Variants in PLCD1 observed in about 807,000 individuals in gnomAD.
PLCD1 encodes the protein phospholipase C delta 1.
PLCD1 carries 71 observed loss-of-function variants against 87.4 expected under a neutral mutation model. The observed-to-expected ratio is 0.81, with a 90% confidence interval of 0.67 to 0.99. PLCD1 has a LOEUF of 0.99. Ranked by LOEUF, PLCD1 falls within the 50% of genes least tolerant of loss-of-function variation. The pLI, the probability that PLCD1 is intolerant of heterozygous loss-of-function variation, is 0.00. For missense variants in PLCD1, 867 were observed against 1,001.5 expected (o/e 0.87, Z 1.81); for synonymous variants, 348 against 399.2 (o/e 0.87, Z 1.53).
rs940095900 is a variant in PLCD1 at position 38,018,640 on chromosome 3, C to T, written c.199+1548G>A. ...CACACTGGGAGTCATCCATACGTATCGGTAGGTAGGTGGGCTCCAGGGAAT... is the reference window on the plus strand; with the variant it reads ...CACACTGGGAGTCATCCATACGTATTGGTAGGTAGGTGGGCTCCAGGGAAT... On this transcript the variant is annotated intron_variant, in intron 2 of 14. Transcript: ENST00000334661. This position sits in a 1 kb window ranked among gnomAD's most constrained non-coding sequence, Gnocchi z 5.7. Among the ~76,000 whole-genome samples the T allele has an allele frequency of 6.6e-6, 1 of 152,170 alleles. No homozygotes were observed.
At chr3:38,024,752 G>T (rs922600734) in intron 1 of PLCD1, 1 of 1,353,734 alleles carries the variant, frequency 7.4e-7, no homozygotes, top group Non-Finnish European at 9.7e-7. Flanking sequence ...TAAATGAGTG[G>T]GGGGAGTCAG....
chr3:38,026,121 GTTC>G (rs2125552401), intron 1 of PLCD1, among the ~76,000 whole-genome samples: 1 of 152,296 alleles, frequency 6.6e-6, no homozygotes, highest in South Asian at 2.1e-4. Context: ...CTGCGCAGGG[GTTC>G]TTAACCAGAC....
rs781388779 is a variant in PLCD1, at chr3:38,011,340, C to T, written c.664G>A (p.Ala222Thr). The T allele has an allele frequency of 9.9e-6, 16 of 1,612,536 alleles. No homozygotes were observed. Among genetic ancestry groups the T allele is most frequent in the African/African-American group, 5.3e-5 (4 of 75,022 alleles). Residue 222 changes from alanine to threonine, a missense_variant, in exon 5 of 15, where the codon GCG becomes ACG. Coordinates refer to ENST00000334661, the MANE Select transcript of PLCD1 (RefSeq NM_006225.4). ...ACCGACAGAGTCTCCCCTGAGCCCGCGGCCTCGGCGAAGGTGCGGTCGATC... is the reference window on the plus strand; with the variant it reads ...ACCGACAGAGTCTCCCCTGAGCCCGTGGCCTCGGCGAAGGTGCGGTCGATC... The part of the protein sequence containing the change: ...VEIDRTFAEA[A>T]GSGETLSVDQ...
chr3:38,010,128 C>T lies in PLCD1; in HGVS notation c.1137+3G>A. 1 of 1,614,258 alleles carries T rather than the reference C, an allele frequency of 6.2e-7. No homozygotes were observed. The highest frequency in any genetic ancestry group is 1.1e-5 in the South Asian group (1 of 91,088). ...ACTCCTCACCTGCCAGGGGCACTCC[C>T]ACCTTGAAGGCATAGTCCCGGATGG... On this transcript the variant is annotated splice_donor_region_variant and intron_variant, in intron 7 of 14. Transcript: ENST00000334661.
chr3:38,007,700 A>T lies in PLCD1; in HGVS notation c.*73T>A. 2 of 1,168,898 alleles carry T rather than the reference A, an allele frequency of 1.7e-6. No homozygotes were observed. The highest frequency in any genetic ancestry group is 2.6e-6 in the Non-Finnish European group (2 of 779,576). The allele number at this position is 1,168,898 out of a possible 1,614,324, so 72.4% of individuals were successfully genotyped here. A position where few individuals can be genotyped will look rare whatever the true frequency, so the allele number is the denominator to read the frequency against. Reference sequence around the variant, plus strand: ...TCTGAGCAAGAGGCTGGGAGCAGCCACACCAGCCCTGTCCCCACATGTGGA... The same window carrying T: ...TCTGAGCAAGAGGCTGGGAGCAGCCTCACCAGCCCTGTCCCCACATGTGGA... On this transcript the variant is annotated 3_prime_UTR_variant, in exon 15 of 15. Coordinates refer to ENST00000334661, the MANE Select transcript of PLCD1 (RefSeq NM_006225.4).
intron 1 of PLCD1, chr3:38,024,391 G>A (rs1394573377): frequency 1.9e-6 from 3 of 1,612,598 alleles, no homozygotes; most frequent in Non-Finnish European, 2.5e-6. Flanking sequence ...TGCAGGTAGA[G>A]CTCCCTGGAG....
chr3:38,022,671 A>G (rs1479021144), intron 1 of PLCD1, among the ~76,000 whole-genome samples: 2 of 152,162 alleles, frequency 1.3e-5, no homozygotes, highest in Non-Finnish European at 2.9e-5. Flanking sequence ...AAAGGTGGAC[A>G]TCAGTTCCAG....
Position 38,017,117 on chromosome 3 carries a change from G to A in PLCD1, c.200-398C>T, listed in dbSNP as rs952620095. ...AGCAGGGCAAGGCTCTTAGAGATGC[G>A]GACAGACCACTCTGGAGTGTGGGGC... On this transcript the variant is annotated intron_variant, in intron 2 of 14. Coordinates refer to ENST00000334661, the MANE Select transcript of PLCD1 (RefSeq NM_006225.4). This position sits in a 1 kb window ranked among gnomAD's most constrained non-coding sequence, Gnocchi z 4.7. 1.3e-5 allele frequency among the ~76,000 whole-genome samples: 2 copies of A among 152,068 alleles called. No individual in the cohort carries two copies. The highest frequency in any genetic ancestry group is 1.9e-4 in the East Asian group (1 of 5,184).
intron 5 of PLCD1, 41 bp downstream of exon 5, chr3:38,011,173 G>T: frequency 1.3e-6 from 2 of 1,496,058 alleles, no homozygotes; most frequent in Non-Finnish European, 9.2e-7. Context: ...GCCCAGTGCG[G>T]CCCTGCGACT....
chr3:38,007,946 G>A, intron 14 of PLCD1, 68 bp downstream of exon 14: 2 of 1,607,970 alleles, frequency 1.2e-6, no homozygotes, highest in South Asian at 1.1e-5. Context: ...GGGACAGCCA[G>A]CCCCAGCCCA....
intron 1 of PLCD1, chr3:38,024,388 A>G (rs1700277763): frequency 6.2e-7 from 1 of 1,612,898 alleles, no homozygotes; most frequent in Admixed American, 1.7e-5. Context: ...TCCTGCAGGT[A>G]GAGCTCCCTG....
intron 3 of PLCD1, among the ~76,000 whole-genome samples, chr3:38,016,158 G>A (rs1700151172): frequency 6.6e-6 from 1 of 152,126 alleles, no homozygotes; most frequent in African/African-American, 2.4e-5. Flanking sequence ...GGTCATGAGG[G>A]TGGGGCACCC....
At chr3:38,019,564 G>C (rs1391632538) in intron 2 of PLCD1, among the ~76,000 whole-genome samples, 2 of 152,166 alleles carry the variant, frequency 1.3e-5, no homozygotes, top group Non-Finnish European at 2.9e-5. Context: ...GAAGTGAGCA[G>C]AGCTTTCTTC....
At chr3:38,021,060 A>G (rs989581777) in intron 1 of PLCD1, among the ~76,000 whole-genome samples, 1 of 152,026 alleles carries the variant, frequency 6.6e-6, no homozygotes, top group African/African-American at 2.4e-5. Context: ...GCAGGCCCCA[A>G]GATAATGGCA....
At chr3:38,029,452 T>C in intron 1 of PLCD1, 54 bp downstream of exon 1, 2 of 1,490,106 alleles carry the variant, frequency 1.3e-6, no homozygotes, top group East Asian at 2.5e-5. Context: ...CCGGAACAGC[T>C]TTCCAGGGGT....
At chr3:38,019,433 A>G (rs911316062) in intron 2 of PLCD1, among the ~76,000 whole-genome samples, 1 of 152,200 alleles carries the variant, frequency 6.6e-6, no homozygotes, top group Non-Finnish European at 1.5e-5. Flanking sequence ...GAACATTTCC[A>G]TCATTGTTCA....
chr3:38,010,082 G>A, intron 7 of PLCD1, 29 bp from the exon 8 acceptor site: 1 of 1,614,146 alleles, frequency 6.2e-7, no homozygotes, highest in African/African-American at 1.3e-5. Context: ...ATTAGGAGTG[G>A]TGGGCCACCC....
chr3:38,008,530 G>A lies in PLCD1; in HGVS notation c.1830C>T (p.Asp610=). ...GYVLKPAFLR[D]PNGTFNPRAL... ...CGCGGGGGTTAAAGGTGCCGTTGGGGTCTCGCAGGAAGGCGGGCTTCAGCA... is the reference window on the plus strand; with the variant it reads ...CGCGGGGGTTAAAGGTGCCGTTGGGATCTCGCAGGAAGGCGGGCTTCAGCA... The change falls in exon 12 of 15, where the codon GAC becomes GAT. Residue 610 remains aspartate (D), a synonymous_variant. Transcript: ENST00000334661. 6.2e-7 allele frequency: 1 copy of A among 1,614,206 alleles called. No individual in the cohort carries two copies. The highest frequency in any genetic ancestry group is 8.5e-7 in the Non-Finnish European group (1 of 1,180,020).
chr3:38,022,208 C>T (rs777221689), intron 1 of PLCD1, among the ~76,000 whole-genome samples: 1 of 152,196 alleles, frequency 6.6e-6, no homozygotes, highest in Non-Finnish European at 1.5e-5. Context: ...TGTGCCTTAG[C>T]GTGAGCAGCT....
Sources: allele counts gnomAD v4.1 joint callset (sites outside exome capture counted in the v4.1 genomes callset), GRCh38; gene constraint gnomAD v4.1.1; non-coding constraint Gnocchi (gnomAD v3.1); transcripts MANE v1.5; gene names NCBI Gene and HGNC (gene_info 2026-07-23, HGNC 2026-07-21).